Variants in SYCP2 observed in about 807,000 individuals in gnomAD.
SYCP2 encodes the protein synaptonemal complex lateral element protein.
A neutral mutation model predicts 211.3 loss-of-function variants in SYCP2; 55 were observed. The ratio of observed to expected loss-of-function variants is 0.26; its 90% CI spans 0.21 to 0.33. SYCP2 has a LOEUF of 0.33. Among genes scored for constraint, SYCP2 ranks in the 10% least tolerant of loss-of-function variants. The pLI, the probability that SYCP2 is intolerant of heterozygous loss-of-function variation, is 1.00. For missense variants in SYCP2, 1,731 were observed against 1,752.0 expected, an observed-to-expected ratio of 0.99 and a Z score of 0.21; for synonymous variants, 570 against 555.2, an observed-to-expected ratio of 1.03 and a Z score of -0.37.
At chr20:59,901,918 C>A in intron 15 of SYCP2, 108 bp from the exon 16 acceptor site, 1 of 884,992 alleles carries the variant, frequency 1.1e-6, no homozygotes, top group South Asian at 2.4e-5. Flanking sequence ...AATTCAAATT[C>A]TCAATATTGA....
Position 59,881,495 on chromosome 20 carries a change from A to ATT in SYCP2, c.2659-4_2659-3insAA, listed in dbSNP as rs754237003. Reference sequence around the variant, plus strand: ...GCTGTAGCTTGAAACTCTTGGATCTATATTGTAAATAAACAAAAAAAAAGA... The same window carrying ATT: ...GCTGTAGCTTGAAACTCTTGGATCTATTTATTGTAAATAAACAAAAAAAAAGA... On this transcript the variant is annotated splice_region_variant and splice_polypyrimidine_tract_variant and intron_variant, in intron 28 of 44. Coordinates refer to ENST00000357552, the MANE Select transcript of SYCP2 (RefSeq NM_014258.4). 8.9e-6 allele frequency: 13 copies of ATT among 1,459,076 alleles called. No individual in the cohort carries two copies. The highest frequency in any genetic ancestry group is 1.2e-5 in the Non-Finnish European group (13 of 1,085,162). 90.4% of individuals were successfully genotyped at this position (1,459,076 alleles called of 1,614,324 possible). A position where few individuals can be genotyped will look rare whatever the true frequency, so the allele number is the denominator to read the frequency against.
At chr20:59,898,776 T>G (rs2060059930) in intron 18 of SYCP2, among the ~76,000 whole-genome samples, 1 of 151,724 alleles carries the variant, frequency 6.6e-6, no homozygotes, top group Non-Finnish European at 1.5e-5. Flanking sequence ...AAAGTGAAAA[T>G]GAACAAGACT....
chr20:59,871,460 T>C (rs1767482681), intron 35 of SYCP2, among the ~76,000 whole-genome samples: 1 of 151,892 alleles, frequency 6.6e-6, no homozygotes, highest in African/African-American at 2.4e-5. Flanking sequence ...TGGGGGAATG[T>C]CTCATGAGTG....
chr20:59,879,852 TATATATATATACAC>T (rs1219581709), intron 31 of SYCP2, among the ~76,000 whole-genome samples: 98 of 101,032 alleles, frequency 9.7e-4, no homozygotes, highest in African/African-American at 3.4e-3. Flanking sequence ...TATATATATA[TATATATATATACAC>T]ACACACACAC....
intron 24 of SYCP2, among the ~76,000 whole-genome samples, chr20:59,891,314 A>AG (rs1258537725): frequency 2.0e-5 from 3 of 152,042 alleles, no homozygotes; most frequent in African/African-American, 7.2e-5. Context: ...TTGATAGTTA[A>AG]GAAAAAATGA....
At position 59,865,863 on chromosome 20, in the gene SYCP2, G is replaced by C; in HGVS notation, c.4323C>G (p.Asp1441Glu). 7.3e-7 allele frequency: 1 copy of C among 1,363,132 alleles called. No homozygotes were observed. Among genetic ancestry groups the C allele is most frequent in the Non-Finnish European group, 9.8e-7 (1 of 1,018,004 alleles). 84.4% of individuals were successfully genotyped at this position (1,363,132 alleles called of 1,614,324 possible). The change falls in exon 42 of 45, where the codon GAC (aspartate) becomes GAG (glutamate). Residue 1441 changes from aspartate to glutamate, a missense_variant and splice_region_variant. This residue lies in a region of SYCP2 where 1,387 missense variants were observed against 1,351.3 expected (regional missense o/e 1.03). Transcript: ENST00000357552. Reference protein sequence around the residue: ...SLKDLEKEFVDFWEKIFQKFS... With the variant: ...SLKDLEKEFVEFWEKIFQKFS... ...ACTTCTGAAATATCTTTTCCCAAAA[G>C]TCCTAAATTAATTAATAAAATTTTA...
chr20:59,886,753 C>A lies in SYCP2; in HGVS notation c.2446G>T (p.Asp816Tyr). 1 of 1,589,022 alleles carries A rather than the reference C, an allele frequency of 6.3e-7. No homozygotes were observed. Among genetic ancestry groups the A allele is most frequent in the Non-Finnish European group, 8.5e-7 (1 of 1,170,026 alleles). ...AATTTTCTTGTAGACTTGATGTCAT[C>A]TTTTGTTTTGTATCTTTTATTGATT... is the stretch of plus-strand genomic sequence containing the variant. ...SQINKRYKTK[D>Y]DIKSTRKLKE... The change falls in exon 25 of 45, where the codon GAT becomes TAT. Residue 816 changes from aspartate (D) to tyrosine (Y), a missense_variant. Asp to Tyr is a radical substitution (Grantham distance 160). Around this residue, in one of 3 missense-constraint regions of SYCP2, gnomAD observed 1,387 missense variants for 1,351.3 expected, o/e 1.03. Transcript: ENST00000357552.
chr20:59,900,059 T>A (rs755924681), intron 18 of SYCP2, 79 bp downstream of exon 18: 1 of 1,408,052 alleles, frequency 7.1e-7, no homozygotes, highest in Non-Finnish European at 1.0e-6. Flanking sequence ...AAATTCTAGA[T>A]GCTTCTTTCA....
intron 26 of SYCP2, among the ~76,000 whole-genome samples, chr20:59,883,386 A>G (rs1205985799): frequency 6.6e-6 from 1 of 152,106 alleles, no homozygotes; most frequent in African/African-American, 2.4e-5. Context: ...AGGTATCTAC[A>G]TTCCTATGTT....
intron 2 of SYCP2, among the ~76,000 whole-genome samples, chr20:59,925,833 T>C (rs2060624854): frequency 6.6e-6 from 1 of 152,040 alleles, no homozygotes. Context: ...TAGATTTCTT[T>C]TTTTAAGAAA....
rs376622271 is a variant in SYCP2, at chr20:59,921,382, A to C, written c.96T>G (p.Ile32Met). Reference protein sequence around the residue: ...DFKPLKTLLQIDICEDVKIKC... With the variant: ...DFKPLKTLLQMDICEDVKIKC... ...TAATCTTCACATCTTCACAAATATC[A>C]ATTTGCAAAAGTGTTTTCAAAGGTT... Residue 32 changes from isoleucine (I) to methionine (M), a missense_variant, in exon 4 of 45, where the codon ATT becomes ATG. Transcript: ENST00000357552. The C allele has an allele frequency of 6.2e-6, 10 of 1,607,240 alleles. No homozygotes were observed. Among genetic ancestry groups the C allele is most frequent in the Non-Finnish European group, 8.5e-6 (10 of 1,176,158 alleles).
At chr20:59,915,320 C>G (rs2060417285) in intron 9 of SYCP2, 121 bp from the exon 10 acceptor site, 1 of 1,019,638 alleles carries the variant, frequency 9.8e-7, no homozygotes. Context: ...TCGACTTTTG[C>G]AGAAATTATA....
At chr20:59,915,429 T>C (rs769676938) in intron 9 of SYCP2, 36 bp downstream of exon 9, 1 of 1,368,966 alleles carries the variant, frequency 7.3e-7, no homozygotes, top group Non-Finnish European at 1.0e-6. Context: ...TCTTATGGAT[T>C]TTAAGAATAA....
Position 59,913,998 on chromosome 20 carries a change from A to G in SYCP2, c.807T>C (p.Asn269=), listed in dbSNP as rs568651188. Residue 269 remains asparagine (N), a synonymous_variant, in exon 12 of 45, where the codon AAT becomes AAC. Transcript: ENST00000357552. ...TDCRIFLNLV[N]GMLGDKRRVF... Reference sequence around the variant, plus strand: ...ACCTTCTTTTGTCTCCAAGCATGCCATTTACAAGGTTGAGAAATATCCTGC... The same window carrying G: ...ACCTTCTTTTGTCTCCAAGCATGCCGTTTACAAGGTTGAGAAATATCCTGC... The G allele has an allele frequency of 6.1e-5, 98 of 1,600,220 alleles. No homozygotes were observed. In the Admixed American group the frequency reaches 7.2e-4, roughly 12 times the overall value.
intron 26 of SYCP2, among the ~76,000 whole-genome samples, chr20:59,883,348 CCAAACAAACAAA>C (rs372545255): frequency 6.6e-6 from 1 of 151,758 alleles, no homozygotes; most frequent in East Asian, 1.9e-4. Context: ...GACTCTGTCT[CCAAACAAACAAA>C]CAAACAAACA....
chr20:59,904,656 G>A (rs1265629960), intron 15 of SYCP2, among the ~76,000 whole-genome samples: 2 of 152,092 alleles, frequency 1.3e-5, no homozygotes, highest in East Asian at 3.9e-4. Context: ...GATCGAGAGA[G>A]GAAACAACAG....
intron 14 of SYCP2, among the ~76,000 whole-genome samples, chr20:59,908,462 T>C (rs1290679501): frequency 6.6e-6 from 1 of 152,096 alleles, no homozygotes; most frequent in Non-Finnish European, 1.5e-5. Context: ...AAAGGGACAG[T>C]ATTCTAAGTT....
At chr20:59,903,658 C>T (rs2060159523) in intron 15 of SYCP2, among the ~76,000 whole-genome samples, 1 of 152,138 alleles carries the variant, frequency 6.6e-6, no homozygotes, top group Non-Finnish European at 1.5e-5. Context: ...TGTTTGGAGA[C>T]GGAGGGTCAA....
rs1417441557 is a variant in SYCP2 at position 59,895,783 on chromosome 20, G to A, written c.1505-186C>T. Reference sequence around the variant, plus strand: ...TAAGTGAAGGAAAAATTTGCAGGAAGGGTGGAAAGATTAATTTAATTTTGG... The same window carrying A: ...TAAGTGAAGGAAAAATTTGCAGGAAAGGTGGAAAGATTAATTTAATTTTGG... On this transcript the variant is annotated intron_variant, in intron 19 of 44. Coordinates refer to ENST00000357552, the MANE Select transcript of SYCP2 (RefSeq NM_014258.4). Among the ~76,000 whole-genome samples the A allele has an allele frequency of 2.6e-5, 4 of 152,026 alleles. No individual in the cohort carries two copies. The East Asian group carries it at 7.7e-4, about 29-fold the overall frequency.
Sources: allele counts gnomAD v4.1 joint callset (sites outside exome capture counted in the v4.1 genomes callset), GRCh38; gene constraint gnomAD v4.1.1; regional missense constraint gnomAD v4.1.1; transcripts MANE v1.5; gene names NCBI Gene and HGNC (gene_info 2026-07-23, HGNC 2026-07-21).